Variants in ITK observed in about 807,000 individuals in gnomAD.
ITK encodes the protein IL2 inducible T cell kinase.
ITK carries 45 observed loss-of-function variants against 87.6 expected under a neutral mutation model. The observed-to-expected ratio is 0.51, with a 90% CI of 0.40 to 0.66. The LOEUF is 0.66. Ranked by LOEUF, ITK falls within the 30% of genes least tolerant of loss-of-function variation. The probability of loss-of-function intolerance (pLI) is 0.00; values close to 1 mark genes in which losing one functional copy is unlikely to be tolerated. For synonymous variants in ITK, 303 were observed against 273.6 expected (o/e 1.11, Z -1.06); for missense variants, 605 against 766.3 (o/e 0.79, Z 2.48).
chr5:157,187,659 G>C (rs1753672894), intron 1 of ITK, among the ~76,000 whole-genome samples: 1 of 152,152 alleles, frequency 6.6e-6, no homozygotes, highest in Non-Finnish European at 1.5e-5. Flanking sequence ...GGTCAGAAAG[G>C]CACATGTAGG....
At position 157,249,006 on chromosome 5, in the gene ITK, A is replaced by T; in HGVS notation, c.1790A>T (p.Glu597Val). Residue 597 changes from glutamate to valine, a missense_variant and splice_region_variant, in exon 16 of 17, where the codon GAG becomes GTG. Transcript: ENST00000422843. ...VYQIMNHCWK[E>V]RPEDRPAFSR... Reference sequence around the variant, plus strand: ...CAGATTATGAATCACTGCTGGAAAGAGGTCAGTGGAGGAAGTGCTTCCCCA... The same window carrying T: ...CAGATTATGAATCACTGCTGGAAAGTGGTCAGTGGAGGAAGTGCTTCCCCA... 1 of 1,613,686 alleles carries T rather than the reference A, an allele frequency of 6.2e-7. No homozygotes were observed. Among genetic ancestry groups the T allele is most frequent in the African/African-American group, 1.3e-5 (1 of 75,034 alleles).
chr5:157,213,664 G>A, intron 3 of ITK: 2 of 421,378 alleles, frequency 4.7e-6, no homozygotes, highest in South Asian at 3.5e-5. Context: ...TTACAAGCAT[G>A]AGCCACTACA....
intron 8 of ITK, among the ~76,000 whole-genome samples, chr5:157,235,456 C>G (rs1041666710): frequency 2.0e-5 from 3 of 152,172 alleles, no homozygotes; most frequent in Admixed American, 2.0e-4. Flanking sequence ...AGTATTATTA[C>G]TTCTCCAGTG....
At chr5:157,231,275 C>T (rs897869490) in intron 7 of ITK, among the ~76,000 whole-genome samples, 3 of 152,174 alleles carry the variant, frequency 2.0e-5, no homozygotes, top group Admixed American at 6.5e-5. Context: ...CTGGCATTCC[C>T]TTCCCATGCA....
intron 7 of ITK, among the ~76,000 whole-genome samples, chr5:157,231,279 C>T (rs533018391): frequency 6.6e-6 from 1 of 152,292 alleles, no homozygotes; most frequent in Non-Finnish European, 1.5e-5. Flanking sequence ...CATTCCCTTC[C>T]CATGCACTGA....
intron 1 of ITK, among the ~76,000 whole-genome samples, chr5:157,193,709 C>CTGA (rs1231666547): frequency 6.6e-6 from 1 of 152,084 alleles, no homozygotes; most frequent in East Asian, 1.9e-4. Context: ...TTGTTTGGGT[C>CTGA]TGATAAGTCT....
At chr5:157,221,409 T>C (rs1486841119) in intron 5 of ITK, among the ~76,000 whole-genome samples, 8 of 152,162 alleles carry the variant, frequency 5.3e-5, no homozygotes, top group Admixed American at 5.2e-4. Flanking sequence ...GGATCTAGGC[T>C]CAGGATGTTC....
At chr5:157,245,822 C>G (rs1359883207) in intron 14 of ITK, 32 bp downstream of exon 14, 2 of 1,612,068 alleles carry the variant, frequency 1.2e-6, no homozygotes, top group Admixed American at 3.3e-5. Context: ...GGTGAAGTCT[C>G]AGGAATGGGA....
intron 1 of ITK, among the ~76,000 whole-genome samples, chr5:157,193,875 A>AT (rs11381722): frequency 0.082 from 12,441 of 152,158 alleles, 553 homozygotes; most frequent in South Asian, 0.15. Flanking sequence ...AACAGCAACA[A>AT]TTTTTTTTAA....
intron 2 of ITK, among the ~76,000 whole-genome samples, chr5:157,210,535 T>G (rs1024586674): frequency 4.7e-5 from 7 of 150,008 alleles, no homozygotes; most frequent in African/African-American, 1.7e-4. Context: ...CTCTTGGTTT[T>G]TTTTTTTTTT....
intron 1 of ITK, 53 bp downstream of exon 1, chr5:157,181,168 T>G (rs1580869393): frequency 1.9e-6 from 3 of 1,578,198 alleles, no homozygotes; most frequent in Non-Finnish European, 2.6e-6. Flanking sequence ...ATGTTTGGAC[T>G]GGGCTAATGC....
In ITK at chr5:157,254,822, C is replaced by G. The variant is rs1755219178; in HGVS notation, c.*2144C>G. Reference sequence around the variant, plus strand: ...TGTGCATGGTATTACCTTTTTCAAGCTCAGATTCATCTAATCCTCAACTGT... The same window carrying G: ...TGTGCATGGTATTACCTTTTTCAAGGTCAGATTCATCTAATCCTCAACTGT... On this transcript the variant is annotated 3_prime_UTR_variant, in exon 17 of 17. Coordinates refer to ENST00000422843, the MANE Select transcript of ITK (RefSeq NM_005546.4). The G allele has an allele frequency of 4.6e-6, 1 of 217,760 alleles. No homozygotes were observed. The highest frequency in any genetic ancestry group is 6.8e-5 in the East Asian group (1 of 14,662). 13.5% of individuals were successfully genotyped at this position (217,760 alleles called of 1,614,324 possible). A position where few individuals can be genotyped will look rare whatever the true frequency, so the allele number is the denominator to read the frequency against.
chr5:157,182,163 TG>T (rs1753545771), intron 1 of ITK, among the ~76,000 whole-genome samples: 1 of 152,218 alleles, frequency 6.6e-6, no homozygotes, highest in Non-Finnish European at 1.5e-5. Context: ...ACATCATTAG[TG>T]GGGTAGGACA....
chr5:157,254,885 G>A lies in ITK; in HGVS notation c.*2207G>A, dbSNP rs377031225. 1.1e-4 allele frequency: 23 copies of A among 215,604 alleles called. 2 individuals carry two copies. The highest frequency in any genetic ancestry group is 6.4e-4 in the Admixed American group (11 of 17,138). 13.4% of individuals were successfully genotyped at this position (215,604 alleles called of 1,614,324 possible). A position where few individuals can be genotyped will look rare whatever the true frequency, so the allele number is the denominator to read the frequency against. On this transcript the variant is annotated 3_prime_UTR_variant, in exon 17 of 17. Coordinates refer to ENST00000422843, the MANE Select transcript of ITK (RefSeq NM_005546.4). ...TCTTCACCTCCTGGTGCCCTATCCC[G>A]CAAAATGGGCTTCCTGCCTGGTTTT...
intron 7 of ITK, 24 bp from the exon 8 acceptor site, chr5:157,232,316 C>T: frequency 6.5e-7 from 1 of 1,546,924 alleles, no homozygotes; most frequent in Non-Finnish European, 8.9e-7. Flanking sequence ...ATGTCATTGA[C>T]ATATGACTTT....
intron 8 of ITK, among the ~76,000 whole-genome samples, chr5:157,236,374 T>TA (rs35365324): frequency 0.24 from 34,622 of 146,250 alleles, 4,544 homozygotes; most frequent in East Asian, 0.52. Context: ...GACTCCATCT[T>TA]AAAAAAAAAA....
rs943696420 is a variant in ITK at position 157,241,775 on chromosome 5, T to G, written c.1060+55T>G. Reference sequence around the variant, plus strand: ...ATGTCCCTAAAGGTCTGGGGCAAATTCTGAATAAACTGGCCATGAGCCTAC... The same window carrying G: ...ATGTCCCTAAAGGTCTGGGGCAAATGCTGAATAAACTGGCCATGAGCCTAC... On this transcript the variant is annotated intron_variant, in intron 11 of 16. Coordinates refer to ENST00000422843, the MANE Select transcript of ITK (RefSeq NM_005546.4). 4.2e-5 allele frequency: 57 copies of G among 1,360,084 alleles called. No homozygotes were observed. In the South Asian group the frequency reaches 5.1e-4, roughly 12 times the overall value. 84.3% of individuals were successfully genotyped at this position (1,360,084 alleles called of 1,614,324 possible).
chr5:157,239,967 A>G (rs1449920344), intron 9 of ITK, 95 bp from the exon 10 acceptor site: 2 of 1,243,068 alleles, frequency 1.6e-6, no homozygotes, highest in Non-Finnish European at 2.3e-6. Flanking sequence ...GAGAGGTTAT[A>G]AGACAAAGAT....
chr5:157,215,964 G>A (rs1393093359), intron 4 of ITK, among the ~76,000 whole-genome samples: 3 of 152,198 alleles, frequency 2.0e-5, no homozygotes, highest in South Asian at 2.1e-4. Context: ...ATGCCAGTGG[G>A]GGAGGACTGG....
Sources: gnomAD v4.1 joint callset for allele counts (sites outside exome capture counted in the v4.1 genomes callset) on GRCh38, gnomAD v4.1.1 for gene constraint, MANE v1.5 for transcripts, NCBI Gene and HGNC (gene_info 2026-07-23, HGNC 2026-07-21) for gene names.